TGFB2: variants seen among roughly 807,000 people sequenced by gnomAD.
The protein encoded by TGFB2 is transforming growth factor beta 2.
TGFB2 carries 13 observed loss-of-function variants against 42.7 expected under a neutral mutation model. The ratio of observed to expected loss-of-function variants is 0.30; its 90% confidence interval spans 0.20 to 0.48. TGFB2 has a LOEUF of 0.48. Ranked by LOEUF, TGFB2 falls within the 20% of genes least tolerant of loss-of-function variation. TGFB2 has a pLI of 0.99. For synonymous variants in TGFB2, 193 were observed against 193.6 expected, an observed-to-expected ratio of 1.00 and a Z score of 0.03; for missense variants, 390 against 517.5, an observed-to-expected ratio of 0.75 and a Z score of 2.39.
At chr1:218,379,492 T>C (rs982412957) in intron 1 of TGFB2, among the ~76,000 whole-genome samples, 1 of 150,402 alleles carries the variant, frequency 6.6e-6, no homozygotes, top group African/African-American at 2.4e-5. Flanking sequence ...TCTTTCTTTT[T>C]TTTTTTTTTA....
intron 1 of TGFB2, among the ~76,000 whole-genome samples, chr1:218,396,841 T>TA (rs1210742455): frequency 6.6e-6 from 1 of 152,178 alleles, no homozygotes; most frequent in African/African-American, 2.4e-5. Flanking sequence ...CTCCGTTGAT[T>TA]AAAATGTGCA....
At position 218,443,609 on chromosome 1, in the gene TGFB2, C is replaced by T. The variant is rs546838652; in HGVS notation, c.*2247C>T. ...TCACTTTTATTTCTGCAGACATTTT[C>T]CTCTCAGATAGGATGACATTTTGTT... is the stretch of plus-strand genomic sequence containing the variant. On this transcript the variant is annotated 3_prime_UTR_variant, in exon 7 of 7. Coordinates refer to ENST00000366930, the MANE Select transcript of TGFB2 (RefSeq NM_003238.6). 1 of 152,072 alleles carries T rather than the reference C, an allele frequency of 6.6e-6. No homozygotes were observed. The highest frequency in any genetic ancestry group is 6.5e-5 in the Admixed American group (1 of 15,274). The allele number at this position is 152,072 out of a possible 1,614,324, so 9.4% of individuals were successfully genotyped here.
chr1:218,428,972 CTTTTTTTTTTTT>C (rs34950123), intron 2 of TGFB2, among the ~76,000 whole-genome samples: 3 of 95,878 alleles, frequency 3.1e-5, no homozygotes, highest in South Asian at 4.3e-4. Flanking sequence ...CCATGAGCAT[CTTTTTTTTTTTT>C]TTTTTTTTTT....
chr1:218,433,975 G>A lies in TGFB2; in HGVS notation c.511-107G>A, dbSNP rs1190466499. The A allele has an allele frequency of 6.1e-6, 9 of 1,463,612 alleles. No homozygotes were observed. The East Asian group carries it at 9.1e-5, about 15-fold the overall frequency. 90.7% of individuals were successfully genotyped at this position (1,463,612 alleles called of 1,614,324 possible). ...GATGACAATGCATGGCTATACTACA[G>A]TAGAGCTAAATTTAGGTAATGAATT... On this transcript the variant is annotated intron_variant, in intron 2 of 6. Transcript: ENST00000366930.
chr1:218,382,286 T>G (rs1657991058), intron 1 of TGFB2, among the ~76,000 whole-genome samples: 1 of 152,196 alleles, frequency 6.6e-6, no homozygotes, highest in Non-Finnish European at 1.5e-5. Context: ...AATCAGCTAC[T>G]GGTACCTTTG....
chr1:218,442,817 G>T lies in TGFB2; in HGVS notation c.*1455G>T, dbSNP rs528156663. 6.6e-6 allele frequency: 1 copy of T among 151,956 alleles called. No homozygotes were observed. The highest frequency in any genetic ancestry group is 2.4e-5 in the African/African-American group (1 of 41,396). 9.4% of individuals were successfully genotyped at this position (151,956 alleles called of 1,614,324 possible). A position where few individuals can be genotyped will look rare whatever the true frequency, so the allele number is the denominator to read the frequency against. On this transcript the variant is annotated 3_prime_UTR_variant, in exon 7 of 7. Transcript: ENST00000366930. ...GATACATAGAAAATTGAAGTAAAAT[G>T]TTTTCATTTTAGCAAGGATTTAGGG...
chr1:218,394,619 T>C (rs895120905), intron 1 of TGFB2, among the ~76,000 whole-genome samples: 3 of 152,156 alleles, frequency 2.0e-5, no homozygotes, highest in Non-Finnish European at 4.4e-5. Flanking sequence ...TCAAGTCTGA[T>C]ATCATCCCCC....
intron 6 of TGFB2, among the ~76,000 whole-genome samples, chr1:218,437,960 A>T (rs1236667413): frequency 6.6e-6 from 1 of 152,218 alleles, no homozygotes; most frequent in Non-Finnish European, 1.5e-5. Context: ...TGCCTCAAAA[A>T]TTTATCATTT....
At chr1:218,419,337 T>C (rs1413780529) in intron 2 of TGFB2, among the ~76,000 whole-genome samples, 3 of 152,218 alleles carry the variant, frequency 2.0e-5, no homozygotes, top group Non-Finnish European at 4.4e-5. Context: ...TCTTTATTTC[T>C]TTAGGTCTTT....
intron 1 of TGFB2, among the ~76,000 whole-genome samples, chr1:218,356,224 A>AT (rs34471604): frequency 1.3e-3 from 187 of 146,408 alleles, no homozygotes; most frequent in African/African-American, 3.7e-3. Context: ...TTTTAGGGGA[A>AT]TTTTTTTTTT....
At chr1:218,424,747 G>A (rs142318426) in intron 2 of TGFB2, among the ~76,000 whole-genome samples, 3 of 152,178 alleles carry the variant, frequency 2.0e-5, no homozygotes, top group African/African-American at 7.2e-5. Context: ...AAGAACAAAG[G>A]TTTTATTTTA....
intron 2 of TGFB2, among the ~76,000 whole-genome samples, chr1:218,427,336 A>T (rs1659657113): frequency 6.6e-6 from 1 of 151,700 alleles, no homozygotes; most frequent in African/African-American, 2.4e-5. Flanking sequence ...CTTCTTATTT[A>T]TTTATTTTAT....
At chr1:218,426,089 C>T (rs184209644) in intron 2 of TGFB2, among the ~76,000 whole-genome samples, 84 of 152,338 alleles carry the variant, frequency 5.5e-4, no homozygotes, top group African/African-American at 1.9e-3. Context: ...TGGGCCCACA[C>T]TAATGAACCT....
chr1:218,370,508 A>C (rs1204528723), intron 1 of TGFB2, among the ~76,000 whole-genome samples: 1 of 152,258 alleles, frequency 6.6e-6, no homozygotes, highest in African/African-American at 2.4e-5. Context: ...TGTTATTCAA[A>C]GTTGATATAT....
In TGFB2 at chr1:218,371,109, G is replaced by A. The variant is rs1350511249; in HGVS notation, c.346+24062G>A. 2.0e-5 allele frequency among the ~76,000 whole-genome samples: 3 copies of A among 152,226 alleles called. No homozygotes were observed. In the East Asian group the frequency reaches 5.8e-4, roughly 29 times the overall value. On this transcript the variant is annotated intron_variant, in intron 1 of 6. Transcript: ENST00000366930. ...AGCCCAGGAGTTTGAGACAAGCCTGGGCAACATGGTGAAACCCCATCTTTA... is the reference window on the plus strand; with the variant it reads ...AGCCCAGGAGTTTGAGACAAGCCTGAGCAACATGGTGAAACCCCATCTTTA...
At chr1:218,392,336 G>C (rs2102579790) in intron 1 of TGFB2, among the ~76,000 whole-genome samples, 1 of 152,260 alleles carries the variant, frequency 6.6e-6, no homozygotes, top group East Asian at 1.9e-4. Flanking sequence ...CTGGACGACA[G>C]AGCAAGACTC....
intron 1 of TGFB2, among the ~76,000 whole-genome samples, chr1:218,393,641 G>A (rs1289004601): frequency 6.6e-6 from 1 of 151,984 alleles, no homozygotes; most frequent in Non-Finnish European, 1.5e-5. Context: ...GAGAAAAAGA[G>A]GAGAGAAAGA....
chr1:218,387,242 G>A (rs1658166507), intron 1 of TGFB2, among the ~76,000 whole-genome samples: 1 of 152,092 alleles, frequency 6.6e-6, no homozygotes, highest in South Asian at 2.1e-4. Flanking sequence ...GGCAGGGGTG[G>A]GAGGGGAGTG....
intron 2 of TGFB2, among the ~76,000 whole-genome samples, chr1:218,425,240 C>T (rs1659582799): frequency 6.6e-6 from 1 of 152,090 alleles, no homozygotes; most frequent in South Asian, 2.1e-4. Flanking sequence ...TGGAGTCTTG[C>T]TCCATCACGG....
Sources: gnomAD v4.1 joint callset for allele counts (sites outside exome capture counted in the v4.1 genomes callset) on GRCh38, gnomAD v4.1.1 for gene constraint, MANE v1.5 for transcripts, NCBI Gene and HGNC (gene_info 2026-07-23, HGNC 2026-07-21) for gene names.